ACTN4: variants seen among roughly 807,000 people sequenced by gnomAD.
ACTN4 encodes the protein actinin alpha 4.
Under a neutral mutation model 114.2 loss-of-function variants are expected in ACTN4, and 18 were observed. That is an observed-to-expected ratio of 0.16 (90% CI 0.11 to 0.23). The LOEUF is 0.23. Ranked by LOEUF, ACTN4 falls within the 10% of genes least tolerant of loss-of-function variation. The pLI is 1.00. For missense variants in ACTN4, 722 were observed against 1,262.9 expected (o/e 0.57, Z 6.49); for synonymous variants, 515 against 506.3 (o/e 1.02, Z -0.23).
intron 8 of ACTN4, among the ~76,000 whole-genome samples, chr19:38,713,947 G>A (rs2145049342): frequency 6.6e-6 from 1 of 152,286 alleles, no homozygotes; most frequent in East Asian, 1.9e-4. Flanking sequence ...CCCCACGGAT[G>A]GTGACTTCTG....
At chr19:38,711,384 C>T (rs774965716) in intron 8 of ACTN4, 4 of 999,052 alleles carry the variant, frequency 4.0e-6, no homozygotes, top group Non-Finnish European at 3.6e-6. Flanking sequence ...AGGCACACCT[C>T]GCTGCTGGGG....
chr19:38,725,868 A>G lies in ACTN4; in HGVS notation c.2155A>G (p.Ile719Val). Residue 719 changes from isoleucine to valine, a missense_variant, in exon 17 of 21, where the codon ATC becomes GTC. Physicochemically the swap from Ile to Val is conservative, Grantham distance 29. Coordinates refer to ENST00000252699, the MANE Select transcript of ACTN4 (RefSeq NM_004924.6). The part of the protein sequence containing the change: ...QQHQLIQEAL[I>V]FDNKHTNYTM... The stretch of plus-strand genomic sequence containing the variant: ...GCACCAGCTCATCCAGGAGGCCCTC[A>G]TCTTCGACAACAAGCACACCAACTA... 6.2e-7 allele frequency: 1 copy of G among 1,614,160 alleles called. No individual in the cohort carries two copies. Among genetic ancestry groups the G allele is most frequent in the Non-Finnish European group, 8.5e-7 (1 of 1,180,046 alleles).
At position 38,717,108 on chromosome 19, in the gene ACTN4, C is replaced by T; in HGVS notation, c.935C>T (p.Thr312Ile). The change falls in exon 10 of 21, where the codon ACC becomes ATC. Residue 312 changes from threonine (T) to isoleucine (I), a missense_variant. Transcript: ENST00000252699. The surrounding 1 kb of genome is among the most constrained non-coding windows in gnomAD (Gnocchi z 4.0). Reference protein sequence around the residue: ...ASDLLEWIRRTIPWLEDRVPQ... With the variant: ...ASDLLEWIRRIIPWLEDRVPQ... ...CAGCTCCTGGAGTGGATCCGGCGCA[C>T]CATCCCCTGGCTGGAGGACCGTGTG... 1 of 1,613,954 alleles carries T rather than the reference C, an allele frequency of 6.2e-7. No individual in the cohort carries two copies. Among genetic ancestry groups the T allele is most frequent in the Non-Finnish European group, 8.5e-7 (1 of 1,179,970 alleles).
At chr19:38,695,985 A>C (rs1262166200) in intron 1 of ACTN4, among the ~76,000 whole-genome samples, 1 of 151,404 alleles carries the variant, frequency 6.6e-6, no homozygotes, top group African/African-American at 2.4e-5. Flanking sequence ...AAGCCACTTC[A>C]CCTCTCAGGC....
intron 1 of ACTN4, among the ~76,000 whole-genome samples, chr19:38,676,553 C>T (rs1967381673): frequency 6.6e-6 from 1 of 152,236 alleles, no homozygotes; most frequent in South Asian, 2.1e-4. Flanking sequence ...CTTTTGCATC[C>T]TGCAGAACAC....
At chr19:38,709,106 A>G (rs1174068883) in intron 6 of ACTN4, among the ~76,000 whole-genome samples, 2 of 152,102 alleles carry the variant, frequency 1.3e-5, no homozygotes, top group African/African-American at 4.8e-5. Context: ...GGCTTAAGCT[A>G]GGGTCTGTGG....
chr19:38,672,566 C>CTTTG (rs556438140), intron 1 of ACTN4, among the ~76,000 whole-genome samples: 200 of 150,822 alleles, frequency 1.3e-3, no homozygotes, highest in Admixed American at 3.3e-3. Context: ...GATCTATGTT[C>CTTTG]TTTGTTTGTT....
intron 1 of ACTN4, among the ~76,000 whole-genome samples, chr19:38,688,138 T>G (rs1967804733): frequency 6.6e-6 from 1 of 152,154 alleles, no homozygotes; most frequent in African/African-American, 2.4e-5. Flanking sequence ...TTGGGCCTGG[T>G]GGCTCATGTC....
rs1969041377 is a variant in ACTN4 at position 38,721,538 on chromosome 19, G to T, written c.1292G>T (p.Gly431Val). The change falls in exon 12 of 21, where the codon GGG becomes GTG. Residue 431 changes from glycine (G) to valine (V), a missense_variant and splice_region_variant. Physicochemically the swap from Gly to Val is moderately radical, Grantham distance 109. Coordinates refer to ENST00000252699, the MANE Select transcript of ACTN4 (RefSeq NM_004924.6). Reference sequence around the variant, plus strand: ...CTAAGCGTCTCTCTGCTCCTACCAGGGAAGGAAGCCATGCTGAAGCACCGG... The same window carrying T: ...CTAAGCGTCTCTCTGCTCCTACCAGTGAAGGAAGCCATGCTGAAGCACCGG... ...KASIHEAWTDGKEAMLKHRDY... is the reference protein window; with the variant it reads ...KASIHEAWTDVKEAMLKHRDY... 6.2e-7 allele frequency: 1 copy of T among 1,613,860 alleles called. No homozygotes were observed. The highest frequency in any genetic ancestry group is 8.5e-7 in the Non-Finnish European group (1 of 1,180,028).
intron 12 of ACTN4, among the ~76,000 whole-genome samples, chr19:38,722,113 T>C (rs1467794650): frequency 6.6e-6 from 1 of 152,186 alleles, no homozygotes; most frequent in Non-Finnish European, 1.5e-5. Context: ...CCCTTCCCTT[T>C]CTTGCTCAGA....
intron 1 of ACTN4, among the ~76,000 whole-genome samples, chr19:38,661,065 G>A (rs761323392): frequency 1.3e-5 from 2 of 152,206 alleles, no homozygotes; most frequent in African/African-American, 4.8e-5. Context: ...AGAAAGGCCC[G>A]AGTGGTCAGA....
intron 1 of ACTN4, among the ~76,000 whole-genome samples, chr19:38,694,936 A>G (rs1412552039): frequency 6.6e-6 from 1 of 152,120 alleles, no homozygotes; most frequent in Non-Finnish European, 1.5e-5. Context: ...GTGCACTAAC[A>G]CAATCTCAGC....
rs1214407317 is a variant in ACTN4 at position 38,717,242 on chromosome 19, T to C, written c.1069T>C (p.Phe357Leu). ...VQEKCQLEIN[F>L]NTLQTKLRLS... ...GGAGAAGTGCCAGCTGGAGATCAAC[T>C]TCAACACGCTGCAGACCAAGCTGCG... Residue 357 changes from phenylalanine to leucine, a missense_variant, in exon 10 of 21, where the codon TTC (phenylalanine) becomes CTC (leucine). Phe to Leu is a conservative substitution (Grantham distance 22). Coordinates refer to ENST00000252699, the MANE Select transcript of ACTN4 (RefSeq NM_004924.6). This position sits in a 1 kb window ranked among gnomAD's most constrained non-coding sequence, Gnocchi z 4.0. The C allele has an allele frequency of 6.2e-7, 1 of 1,613,782 alleles. No individual in the cohort carries two copies. Among genetic ancestry groups the C allele is most frequent in the Non-Finnish European group, 8.5e-7 (1 of 1,180,024 alleles).
rs1041106641 is a variant in ACTN4 at position 38,730,892 on chromosome 19, G to A, written c.*1460G>A. On this transcript the variant is annotated 3_prime_UTR_variant, in exon 21 of 21. Transcript: ENST00000252699. ...CACCTCCATCCACTAAGGAAGAGAA[G>A]GAAGACAGTGGCTTGAGGCAGGGAG... The A allele has an allele frequency of 1.9e-6, 3 of 1,551,390 alleles. No homozygotes were observed. The highest frequency in any genetic ancestry group is 2.4e-5 in the South Asian group (2 of 84,110).
chr19:38,677,624 A>G (rs1439930947), intron 1 of ACTN4, among the ~76,000 whole-genome samples: 1 of 67,710 alleles, frequency 1.5e-5, no homozygotes, highest in Admixed American at 1.4e-4. Flanking sequence ...GTGCTCTGGA[A>G]GGTCATAAGA....
intron 1 of ACTN4, among the ~76,000 whole-genome samples, chr19:38,669,045 G>T (rs1197284713): frequency 1.3e-5 from 2 of 152,100 alleles, no homozygotes; most frequent in African/African-American, 4.8e-5. Flanking sequence ...GAAATGCAGT[G>T]GTATGCACTT....
At position 38,729,485 on chromosome 19, in the gene ACTN4, C is replaced by T. The variant is rs777152795; in HGVS notation, c.*53C>T. 4.4e-6 allele frequency: 7 copies of T among 1,598,534 alleles called. No homozygotes were observed. Among genetic ancestry groups the T allele is most frequent in the Admixed American group, 1.7e-5 (1 of 59,188 alleles). Reference sequence around the variant, plus strand: ...CGACGGCCTCCAGGAGGGGCCTGGGCAGCCCCACAGTCCCATTCCTCCACT... The same window carrying T: ...CGACGGCCTCCAGGAGGGGCCTGGGTAGCCCCACAGTCCCATTCCTCCACT... On this transcript the variant is annotated 3_prime_UTR_variant, in exon 21 of 21. Transcript: ENST00000252699.
intron 17 of ACTN4, 110 bp downstream of exon 17, chr19:38,726,013 T>C (rs1215995981): frequency 1.4e-5 from 21 of 1,450,338 alleles, no homozygotes; most frequent in Non-Finnish European, 1.9e-5. Context: ...TGTTTTTCAC[T>C]CTGTTTAAAA....
At chr19:38,653,429 AG>A (rs1185837269) in intron 1 of ACTN4, among the ~76,000 whole-genome samples, 1 of 151,956 alleles carries the variant, frequency 6.6e-6, no homozygotes, top group Non-Finnish European at 1.5e-5. Flanking sequence ...AAAAAAAAAA[AG>A]ATTCCCTTGC....
Sources: allele counts gnomAD v4.1 joint callset (sites outside exome capture counted in the v4.1 genomes callset), GRCh38; gene constraint gnomAD v4.1.1; non-coding constraint Gnocchi (gnomAD v3.1); transcripts MANE v1.5; gene names NCBI Gene and HGNC (gene_info 2026-07-23, HGNC 2026-07-21).